EXOC6B: variants seen among roughly 807,000 people sequenced by gnomAD.
EXOC6B encodes the protein exocyst complex component 6B.
A neutral mutation model predicts 113.5 loss-of-function variants in EXOC6B; 54 were observed. The observed-to-expected ratio is 0.48, with a 90% confidence interval of 0.38 to 0.60. The LOEUF is 0.60. EXOC6B is among the 20% of genes least tolerant of loss of function. EXOC6B has a pLI of 0.00. For synonymous variants in EXOC6B, 357 were observed against 339.0 expected (o/e 1.05, Z -0.58); for missense variants, 797 against 977.5 (o/e 0.82, Z 2.46).
intron 6 of EXOC6B, among the ~76,000 whole-genome samples, chr2:72,689,177 T>C (rs1336452463): frequency 6.6e-6 from 1 of 152,226 alleles, no homozygotes; most frequent in Non-Finnish European, 1.5e-5. Context: ...TATTTCATGA[T>C]TGGGTAGCCA....
chr2:72,707,852 G>T lies in EXOC6B; in HGVS notation c.669+10251C>A, dbSNP rs866385911. On this transcript the variant is annotated intron_variant, in intron 6 of 21. Coordinates refer to ENST00000272427, the MANE Select transcript of EXOC6B (RefSeq NM_015189.3). ...ATGAATGAGTGAGTGAGCTAATCAAGATTAGGTGAGAAAGAGACATTAATG... is the reference window on the plus strand; with the variant it reads ...ATGAATGAGTGAGTGAGCTAATCAATATTAGGTGAGAAAGAGACATTAATG... Among the ~76,000 whole-genome samples the T allele has an allele frequency of 2.3e-4, 35 of 152,166 alleles. 1 individual carries two copies. The highest frequency in any genetic ancestry group is 8.2e-4 in the African/African-American group (34 of 41,502).
chr2:72,469,122 G>C (rs892250495), intron 17 of EXOC6B, among the ~76,000 whole-genome samples: 1 of 151,956 alleles, frequency 6.6e-6, no homozygotes, highest in African/African-American at 2.4e-5. Flanking sequence ...TTACATTAGG[G>C]TGTAATCATT....
intron 20 of EXOC6B, among the ~76,000 whole-genome samples, chr2:72,223,702 T>C (rs780312391): frequency 6.6e-6 from 1 of 152,052 alleles, no homozygotes; most frequent in Non-Finnish European, 1.5e-5. Flanking sequence ...TGTTTGTTTG[T>C]TTGTTTGTTT....
intron 6 of EXOC6B, among the ~76,000 whole-genome samples, chr2:72,680,804 A>G (rs1676647397): frequency 6.6e-6 from 1 of 152,072 alleles, no homozygotes; most frequent in South Asian, 2.1e-4. Flanking sequence ...ATTTGTTTTT[A>G]TATAACCCTT....
At chr2:72,281,494 A>T (rs1685129221) in intron 20 of EXOC6B, among the ~76,000 whole-genome samples, 1 of 152,134 alleles carries the variant, frequency 6.6e-6, no homozygotes, top group South Asian at 2.1e-4. Flanking sequence ...TGAAAAAAAG[A>T]ATAGTTAAAA....
intron 11 of EXOC6B, among the ~76,000 whole-genome samples, chr2:72,512,364 GAAA>G (rs1558748427): frequency 3.0e-4 from 5 of 16,680 alleles, no homozygotes; most frequent in African/African-American, 7.3e-4. Flanking sequence ...AGGAAGGAAG[GAAA>G]GAAGGAAGGA....
chr2:72,615,888 A>G (rs1201165792), intron 6 of EXOC6B, among the ~76,000 whole-genome samples: 1 of 152,176 alleles, frequency 6.6e-6, no homozygotes, highest in Non-Finnish European at 1.5e-5. Context: ...ACAAAATGTG[A>G]AGGTGGAAAA....
chr2:72,266,584 T>C (rs1684100798), intron 20 of EXOC6B, among the ~76,000 whole-genome samples: 1 of 152,070 alleles, frequency 6.6e-6, no homozygotes, highest in African/African-American at 2.4e-5. Flanking sequence ...GTGTTATTTC[T>C]GAGGGCTCTG....
At chr2:72,572,844 T>G (rs928333427) in intron 7 of EXOC6B, among the ~76,000 whole-genome samples, 9 of 152,180 alleles carry the variant, frequency 5.9e-5, no homozygotes, top group African/African-American at 2.2e-4. Context: ...GAGAAGTAAA[T>G]AAATATAAGG....
At chr2:72,772,898 C>T (rs1683481952) in intron 1 of EXOC6B, among the ~76,000 whole-genome samples, 1 of 151,868 alleles carries the variant, frequency 6.6e-6, no homozygotes, top group African/African-American at 2.4e-5. Flanking sequence ...CATAATCCCC[C>T]CACCCAAGGA....
chr2:72,455,645 C>A (rs1442514919), intron 18 of EXOC6B, among the ~76,000 whole-genome samples: 1 of 152,076 alleles, frequency 6.6e-6, no homozygotes. Flanking sequence ...AATGTGTAAG[C>A]TAATCTAATT....
intron 6 of EXOC6B, among the ~76,000 whole-genome samples, chr2:72,638,170 A>T (rs1672979251): frequency 1.3e-5 from 2 of 152,254 alleles, no homozygotes; most frequent in Middle Eastern, 3.4e-3. Context: ...GAAAAAGGAG[A>T]CATTACAACC....
chr2:72,296,585 G>C (rs1471910199), intron 20 of EXOC6B, among the ~76,000 whole-genome samples: 1 of 152,032 alleles, frequency 6.6e-6, no homozygotes, highest in East Asian at 1.9e-4. Context: ...AGTGTTCCAG[G>C]TGTTTCACAA....
chr2:72,440,511 T>A (rs1482390302), intron 18 of EXOC6B, among the ~76,000 whole-genome samples: 1 of 152,162 alleles, frequency 6.6e-6, no homozygotes, highest in Non-Finnish European at 1.5e-5. Flanking sequence ...AGACCTGCCT[T>A]GCAAGAGCTC....
At chr2:72,299,654 TTC>T (rs1686378899) in intron 20 of EXOC6B, among the ~76,000 whole-genome samples, 2 of 152,168 alleles carry the variant, frequency 1.3e-5, no homozygotes, top group Admixed American at 1.3e-4. Context: ...TTGCGCTGGT[TTC>T]TCCCCATCTT....
At chr2:72,563,389 A>G (rs1703996046) in intron 7 of EXOC6B, among the ~76,000 whole-genome samples, 1 of 152,136 alleles carries the variant, frequency 6.6e-6, no homozygotes, top group Non-Finnish European at 1.5e-5. Flanking sequence ...TTACATTTTT[A>G]TAATACCAAT....
At chr2:72,221,361 C>T (rs1680853850) in intron 20 of EXOC6B, among the ~76,000 whole-genome samples, 2 of 152,116 alleles carry the variant, frequency 1.3e-5, no homozygotes, top group African/African-American at 4.8e-5. Flanking sequence ...ATGGCTCTCC[C>T]ACTGCCTGCA....
chr2:72,334,060 C>T (rs889852895), intron 20 of EXOC6B, among the ~76,000 whole-genome samples: 21 of 151,462 alleles, frequency 1.4e-4, no homozygotes, highest in Admixed American at 1.3e-3. Flanking sequence ...AGCCAGCCCC[C>T]TTTTTTAAAC....
At chr2:72,732,136 A>ATCAATGAT (rs1212342611) in intron 3 of EXOC6B, among the ~76,000 whole-genome samples, 6 of 152,158 alleles carry the variant, frequency 3.9e-5, no homozygotes, top group Admixed American at 3.9e-4. Flanking sequence ...AATCAATAGA[A>ATCAATGAT]TCAATGATTT....
Sources: gnomAD v4.1 joint callset for allele counts (sites outside exome capture counted in the v4.1 genomes callset) on GRCh38, gnomAD v4.1.1 for gene constraint, MANE v1.5 for transcripts, NCBI Gene and HGNC (gene_info 2026-07-23, HGNC 2026-07-21) for gene names.